The following TBC1D4 variants were observed in gnomAD, a reference collection of about 807,000 sequenced individuals.
The protein encoded by TBC1D4 is TBC (Tre-2, BUB2, CDC16) domain-containing protein.
TBC1D4 carries 121 observed loss-of-function variants against 142.5 expected under a neutral mutation model. The ratio of observed to expected loss-of-function variants is 0.85; its 90% CI spans 0.73 to 0.99. The LOEUF (loss-of-function observed/expected upper bound fraction) is 0.99. TBC1D4 is among the 50% of genes least tolerant of loss of function. The pLI is 0.00. For synonymous variants in TBC1D4, 630 were observed against 628.2 expected (o/e 1.00, Z -0.04); for missense variants, 1,475 against 1,606.6 (o/e 0.92, Z 1.40).
chr13:75,391,461 C>T (rs2138304568), intron 1 of TBC1D4, among the ~76,000 whole-genome samples: 1 of 152,304 alleles, frequency 6.6e-6, no homozygotes, highest in South Asian at 2.1e-4. Context: ...CGGTTAATTC[C>T]CAGTCCCTAT....
At chr13:75,355,574 G>C (rs1268853803) in intron 4 of TBC1D4, among the ~76,000 whole-genome samples, 1 of 152,182 alleles carries the variant, frequency 6.6e-6, no homozygotes, top group East Asian at 1.9e-4. Flanking sequence ...CAATGAAGGG[G>C]GGACATAATG....
chr13:75,369,510 C>CACAA lies in TBC1D4; in HGVS notation c.499-6904_499-6903insTTGT, dbSNP rs746237626. On this transcript the variant is annotated intron_variant, in intron 1 of 20. Coordinates refer to ENST00000377636, the MANE Select transcript of TBC1D4 (RefSeq NM_014832.5). Reference sequence around the variant, plus strand: ...TGAGACCCTGTCTCACACACACACACACACACACACACACAATCAAAATTA... The same window carrying CACAA: ...TGAGACCCTGTCTCACACACACACACACAAACACACACACACACAATCAAAATTA... Among the ~76,000 whole-genome samples, 4 of 72,962 alleles carry CACAA rather than the reference C, an allele frequency of 5.5e-5. No homozygotes were observed. The African/African-American group carries it at 5.8e-4, about 11-fold the overall frequency. The allele number at this position is 72,962 out of a possible 152,430, so 47.9% of individuals were successfully genotyped here. A position where few individuals can be genotyped will look rare whatever the true frequency, so the allele number is the denominator to read the frequency against.
chr13:75,324,443 T>C lies in TBC1D4; in HGVS notation c.2034-42A>G, dbSNP rs115136316. On this transcript the variant is annotated intron_variant, in intron 10 of 20. Transcript: ENST00000377636. Reference sequence around the variant, plus strand: ...CAGCAAATATGTCTTAATTTATATTTTGACAAAATCTTCATTCACTATGAA... The same window carrying C: ...CAGCAAATATGTCTTAATTTATATTCTGACAAAATCTTCATTCACTATGAA... The C allele has an allele frequency of 2.5e-3, 3,958 of 1,607,848 alleles. 87 individuals are homozygous for C. In the African/African-American group the frequency reaches 0.046, roughly 19 times the overall value.
In TBC1D4 at chr13:75,481,150, G is replaced by A. The variant is rs961280544; in HGVS notation, c.498+120C>T. The A allele has an allele frequency of 2.8e-6, 4 of 1,408,146 alleles. No individual in the cohort carries two copies. The Admixed American group carries it at 7.7e-5, about 27-fold the overall frequency. The allele number at this position is 1,408,146 out of a possible 1,614,324, so 87.2% of individuals were successfully genotyped here. On this transcript the variant is annotated intron_variant, in intron 1 of 20. Coordinates refer to ENST00000377636, the MANE Select transcript of TBC1D4 (RefSeq NM_014832.5). ...CCGGCGCTTGAGCGCGCCACGTGGA[G>A]CGCGCGCGCCTGCAGCCAAACCTCA...
At chr13:75,298,446 G>A (rs1468392762) in intron 17 of TBC1D4, among the ~76,000 whole-genome samples, 2 of 152,180 alleles carry the variant, frequency 1.3e-5, no homozygotes, top group Non-Finnish European at 1.5e-5. Context: ...TCTTAATGGT[G>A]CTTCTTCAGA....
At chr13:75,308,103 G>C (rs1394773412) in intron 14 of TBC1D4, among the ~76,000 whole-genome samples, 1 of 152,146 alleles carries the variant, frequency 6.6e-6, no homozygotes, top group Non-Finnish European at 1.5e-5. Flanking sequence ...GCCCTTAACT[G>C]TTTAACTAGA....
intron 1 of TBC1D4, among the ~76,000 whole-genome samples, chr13:75,462,187 T>C (rs1423918932): frequency 6.6e-6 from 1 of 152,182 alleles, no homozygotes; most frequent in Non-Finnish European, 1.5e-5. Context: ...ATTATTATTT[T>C]TATTAGTCTC....
At chr13:75,380,429 C>T (rs114558721) in intron 1 of TBC1D4, among the ~76,000 whole-genome samples, 7 of 151,614 alleles carry the variant, frequency 4.6e-5, no homozygotes, top group African/African-American at 1.7e-4. Flanking sequence ...GCCGCGATCA[C>T]GCCATTGCAT....
chr13:75,384,758 C>G (rs954472849), intron 1 of TBC1D4, among the ~76,000 whole-genome samples: 1 of 152,008 alleles, frequency 6.6e-6, no homozygotes, highest in African/African-American at 2.4e-5. Flanking sequence ...ATTATTCCTT[C>G]CACAACTCTG....
chr13:75,394,300 C>T (rs190636912), intron 1 of TBC1D4, among the ~76,000 whole-genome samples: 270 of 152,210 alleles, frequency 1.8e-3, no homozygotes, highest in Middle Eastern at 0.01. Context: ...AGTTCATATT[C>T]ATTTTACTTC....
At chr13:75,404,860 C>T (rs1393485026) in intron 1 of TBC1D4, among the ~76,000 whole-genome samples, 1 of 152,270 alleles carries the variant, frequency 6.6e-6, no homozygotes, top group African/African-American at 2.4e-5. Context: ...CTGCTGTCCC[C>T]CCTCCACCCA....
At chr13:75,391,668 G>C (rs1338206338) in intron 1 of TBC1D4, among the ~76,000 whole-genome samples, 2 of 152,190 alleles carry the variant, frequency 1.3e-5, no homozygotes, top group African/African-American at 4.8e-5. Flanking sequence ...TCTATGATTG[G>C]CCCTTTCCTC....
In TBC1D4 at chr13:75,362,118, T is replaced by A. The variant is rs1389207902; in HGVS notation, c.988A>T (p.Ser330Cys). The A allele has an allele frequency of 1.2e-6, 2 of 1,613,808 alleles. No homozygotes were observed. Among genetic ancestry groups the A allele is most frequent in the Non-Finnish European group, 1.7e-6 (2 of 1,180,018 alleles). The change falls in exon 2 of 21, where the codon AGC (serine) becomes TGC (cysteine). Residue 330 changes from serine to cysteine, a missense_variant. Transcript: ENST00000377636. The surrounding 1 kb of genome is among the most constrained non-coding windows in gnomAD (Gnocchi z 4.2). The stretch of plus-strand genomic sequence containing the variant: ...CTCCGTCGCGGCTGGGATTTCTGGC[T>A]GCCCTCGTGAACTCTCCGTTGCACG... The part of the protein sequence containing the change: ...TGVQRRVHEG[S>C]QKSQPRRRHA...
chr13:75,427,249 G>T (rs1172415468), intron 1 of TBC1D4, among the ~76,000 whole-genome samples: 1 of 152,116 alleles, frequency 6.6e-6, no homozygotes, highest in Non-Finnish European at 1.5e-5. Flanking sequence ...CACCGCGCCT[G>T]ACTAATTTTT....
rs143687762 is a variant in TBC1D4 at position 75,358,554 on chromosome 13, G to A, written c.1170+1215C>T. On this transcript the variant is annotated intron_variant, in intron 3 of 20. Transcript: ENST00000377636. ...GCTGAGACTGAGGCAAACAATTAAG[G>A]TGTACAAAAACTGGCCAGCATGGTG... Among the ~76,000 whole-genome samples the A allele has an allele frequency of 2.2e-3, 330 of 152,132 alleles. 5 individuals carry two copies. Among genetic ancestry groups the A allele is most frequent in the African/African-American group, 7.7e-3 (320 of 41,506 alleles).
intron 1 of TBC1D4, among the ~76,000 whole-genome samples, chr13:75,394,366 A>G (rs901787099): frequency 2.0e-5 from 3 of 152,224 alleles, no homozygotes; most frequent in African/African-American, 4.8e-5. Context: ...CAGATTTACA[A>G]TCTAGCCATA....
At chr13:75,471,485 C>A (rs11617241) in intron 1 of TBC1D4, among the ~76,000 whole-genome samples, 3,295 of 152,336 alleles carry the variant, frequency 0.022, 77 homozygotes, top group South Asian at 0.066. Context: ...AGCCTATAAT[C>A]CCAGCACTTT....
chr13:75,481,540 CGCCCCGCAGCCGCCCGCCTCGG>C lies in TBC1D4; in HGVS notation c.206_227del (p.Pro69ArgfsTer7). The C allele has an allele frequency of 1.3e-6, 2 of 1,597,636 alleles. No homozygotes were observed. Among genetic ancestry groups the C allele is most frequent in the Non-Finnish European group, 1.7e-6 (2 of 1,172,608 alleles). ...CCAGGATCACCTCTCGGGCCGCCGG[CGCCCCGCAGCCGCCCGCCTCGG>C]GCTTCTGGCTGCGCCTGCGGATCTC... On this transcript the variant is annotated frameshift_variant, in exon 1 of 21. Transcript: ENST00000377636. LOFTEE classifies it high-confidence loss of function.
intron 1 of TBC1D4, among the ~76,000 whole-genome samples, chr13:75,459,997 G>A (rs2138276917): frequency 6.6e-6 from 1 of 152,126 alleles, no homozygotes; most frequent in African/African-American, 2.4e-5. Context: ...AAAAAAATTA[G>A]CTGGGTGTGG....
Sources: allele counts gnomAD v4.1 joint callset (sites outside exome capture counted in the v4.1 genomes callset), GRCh38; gene constraint gnomAD v4.1.1; non-coding constraint Gnocchi (gnomAD v3.1); transcripts MANE v1.5; gene names NCBI Gene and HGNC (gene_info 2026-07-23, HGNC 2026-07-21).